The following WWOX variants were observed in gnomAD, a reference collection of about 807,000 sequenced individuals.
WWOX encodes the protein WW domain containing oxidoreductase.
In WWOX, 69 loss-of-function variants were observed where a neutral mutation model predicts 46.2. The observed-to-expected ratio is 1.49, with a 90% CI of 1.23 to 1.82. The LOEUF is 1.82. Among genes scored for constraint, WWOX ranks in the 40% most tolerant of loss-of-function variants. The pLI is 0.00. For missense variants in WWOX, 919 were observed against 542.6 expected (o/e 1.69, Z -6.89); for synonymous variants, 359 against 202.6 (o/e 1.77, Z -6.56).
Position 78,390,329 on chromosome 16 carries a change from A to G in WWOX, c.605+3381A>G, listed in dbSNP as rs1417551814. On this transcript the variant is annotated intron_variant, in intron 6 of 8. Coordinates refer to ENST00000566780, the MANE Select transcript of WWOX (RefSeq NM_016373.4). ...GACCATTAGTTTTTAACCATTAAGT[A>G]GTTGGGAAATCATCAAGTTCAAGTG... Among the ~76,000 whole-genome samples the G allele has an allele frequency of 2.6e-5, 4 of 152,334 alleles. No homozygotes were observed. The South Asian group carries it at 8.3e-4, about 32-fold the overall frequency.
intron 8 of WWOX, among the ~76,000 whole-genome samples, chr16:79,129,165 A>G (rs1265914216): frequency 6.6e-6 from 1 of 152,006 alleles, no homozygotes; most frequent in Non-Finnish European, 1.5e-5. Context: ...CTGTTCAAGC[A>G]TTTGAACTTC....
intron 5 of WWOX, among the ~76,000 whole-genome samples, chr16:78,287,294 T>C (rs749668922): frequency 1.3e-5 from 2 of 152,242 alleles, no homozygotes; most frequent in African/African-American, 4.8e-5. Context: ...AAGCAATCTA[T>C]GACACTCCTT....
At chr16:79,187,840 C>A (rs1005927862) in intron 8 of WWOX, among the ~76,000 whole-genome samples, 7 of 152,242 alleles carry the variant, frequency 4.6e-5, no homozygotes, top group African/African-American at 1.7e-4. Flanking sequence ...CCATGCCTGG[C>A]CCCCTTTCAC....
chr16:78,961,949 A>G (rs2046279086), intron 8 of WWOX, among the ~76,000 whole-genome samples: 1 of 152,148 alleles, frequency 6.6e-6, no homozygotes, highest in Non-Finnish European at 1.5e-5. Flanking sequence ...GGTATTAGGG[A>G]TGGACCCAGC....
intron 8 of WWOX, among the ~76,000 whole-genome samples, chr16:79,004,932 G>C (rs779783074): frequency 6.6e-6 from 1 of 152,138 alleles, no homozygotes; most frequent in East Asian, 1.9e-4. Context: ...TGCATTTAGA[G>C]CTCCCCTCTT....
At chr16:79,120,101 T>G (rs12928653) in intron 8 of WWOX, among the ~76,000 whole-genome samples, 1 of 151,948 alleles carries the variant, frequency 6.6e-6, no homozygotes, top group South Asian at 2.1e-4. Context: ...TCACTTAACA[T>G]CCTGCCGTTA....
chr16:79,147,105 A>G (rs529513815), intron 8 of WWOX, among the ~76,000 whole-genome samples: 2 of 152,326 alleles, frequency 1.3e-5, no homozygotes, highest in African/African-American at 4.8e-5. Flanking sequence ...TCAAGTGTGT[A>G]TATGTGTGTC....
intron 8 of WWOX, among the ~76,000 whole-genome samples, chr16:78,630,437 T>C (rs1233515429): frequency 6.6e-6 from 1 of 152,198 alleles, no homozygotes; most frequent in Non-Finnish European, 1.5e-5. Flanking sequence ...GGCTGGAATT[T>C]TGTTATATGC....
intron 8 of WWOX, among the ~76,000 whole-genome samples, chr16:78,589,931 T>G (rs773549117): frequency 1.1e-4 from 17 of 152,302 alleles, no homozygotes; most frequent in South Asian, 2.1e-4. Flanking sequence ...TGTTGGAATT[T>G]CCCAAGAACA....
chr16:78,274,418 C>T (rs1002084345), intron 5 of WWOX, among the ~76,000 whole-genome samples: 3 of 152,150 alleles, frequency 2.0e-5, no homozygotes, highest in Admixed American at 1.3e-4. Context: ...CTAAACTCTT[C>T]AGGTTAGAAT....
chr16:79,091,823 C>A (rs2048967619), intron 8 of WWOX, among the ~76,000 whole-genome samples: 1 of 145,112 alleles, frequency 6.9e-6, no homozygotes, highest in Non-Finnish European at 1.5e-5. Flanking sequence ...GCTCTGTCAC[C>A]AGGCTGGAGA....
chr16:78,706,298 C>T (rs1039168659), intron 8 of WWOX, among the ~76,000 whole-genome samples: 1 of 152,060 alleles, frequency 6.6e-6, no homozygotes, highest in Non-Finnish European at 1.5e-5. Context: ...CACACACATC[C>T]TTCAACACAT....
At chr16:78,986,234 A>G (rs984508142) in intron 8 of WWOX, among the ~76,000 whole-genome samples, 1 of 152,236 alleles carries the variant, frequency 6.6e-6, no homozygotes, top group African/African-American at 2.4e-5. Flanking sequence ...TGGGGATGAT[A>G]GAAAAACTTA....
At chr16:79,138,841 G>C (rs1484606543) in intron 8 of WWOX, among the ~76,000 whole-genome samples, 2 of 152,182 alleles carry the variant, frequency 1.3e-5, no homozygotes, top group East Asian at 3.9e-4. Context: ...GGCAGGGTGA[G>C]GGAATTGTCC....
intron 5 of WWOX, among the ~76,000 whole-genome samples, chr16:78,354,370 C>G (rs184125783): frequency 7.0e-6 from 1 of 143,108 alleles, no homozygotes; most frequent in Non-Finnish European, 1.5e-5. Flanking sequence ...AGACTTTGCA[C>G]ATATTGTCAA....
chr16:78,872,283 G>A (rs1293497341), intron 8 of WWOX, among the ~76,000 whole-genome samples: 1 of 152,148 alleles, frequency 6.6e-6, no homozygotes, highest in Non-Finnish European at 1.5e-5. Context: ...CCAAGTCTCA[G>A]TTTTCTCATA....
intron 6 of WWOX, among the ~76,000 whole-genome samples, chr16:78,393,499 A>G (rs1373129830): frequency 6.6e-6 from 1 of 152,200 alleles, no homozygotes; most frequent in Admixed American, 6.5e-5. Context: ...TCTCTATATT[A>G]CAAAATTTTT....
chr16:79,195,290 G>A (rs1027874143), intron 8 of WWOX, among the ~76,000 whole-genome samples: 1 of 152,088 alleles, frequency 6.6e-6, no homozygotes, highest in Non-Finnish European at 1.5e-5. Flanking sequence ...AGGATGGGGT[G>A]GAGGGAGGAT....
chr16:78,551,160 GAATT>G (rs1378048934), intron 8 of WWOX: 1 of 152,018 alleles, frequency 6.6e-6, no homozygotes, highest in Non-Finnish European at 1.5e-5. Context: ...CAAATATCAT[GAATT>G]TATTCCATGA....
Sources: allele counts gnomAD v4.1 joint callset (sites outside exome capture counted in the v4.1 genomes callset), GRCh38; gene constraint gnomAD v4.1.1; transcripts MANE v1.5; gene names NCBI Gene and HGNC (gene_info 2026-07-23, HGNC 2026-07-21).